The following RP2 variants were observed in gnomAD, a reference collection of about 807,000 sequenced individuals.
RP2 encodes the protein RP2 activator of ARL3 GTPase.
Under a neutral mutation model 20.3 loss-of-function variants are expected in RP2, and 3 were observed. That is an observed-to-expected ratio of 0.15 (90% CI 0.07 to 0.38). RP2 has a LOEUF of 0.38. Ranked by LOEUF, RP2 falls within the 10% of genes least tolerant of loss-of-function variation. The pLI, the probability that RP2 is intolerant of heterozygous loss-of-function variation, is 1.00. For missense variants in RP2, 233 were observed against 268.5 expected (o/e 0.87, Z 0.92); for synonymous variants, 75 against 94.8 (o/e 0.79, Z 1.22).
In RP2 at chrX:46,848,123, C is replaced by G. The variant is rs569345912; in HGVS notation, c.103-5353C>G. ...GGTGCCTGGTACATATATAGTGCTT[C>G]TTATACTCCTGAATCTTTTTACTTC... On this transcript the variant is annotated intron_variant, in intron 1 of 4. Transcript: ENST00000218340. Among the ~76,000 whole-genome samples the G allele has an allele frequency of 8.4e-5, 9 of 107,585 alleles. No homozygotes were observed. In the South Asian group the frequency reaches 3.6e-3, roughly 43 times the overall value. 93.4% of individuals were successfully genotyped at this position (107,585 alleles called of 115,157 possible).
chrX:46,858,293 A>G (rs1453272084), intron 2 of RP2, among the ~76,000 whole-genome samples: 2 of 111,618 alleles, frequency 1.8e-5, no homozygotes, highest in Non-Finnish European at 3.8e-5. Context: ...ATGGGAGAAA[A>G]AGAAAACTGG....
chrX:46,859,923 T>C, intron 2 of RP2, 65 bp from the exon 3 acceptor site: 2 of 772,475 alleles, frequency 2.6e-6, no homozygotes, highest in Non-Finnish European at 4.0e-6. Flanking sequence ...AATACTAGAA[T>C]AGGAAATCAT....
chrX:46,870,528 C>T (rs973390748), intron 3 of RP2, among the ~76,000 whole-genome samples: 5 of 112,012 alleles, frequency 4.5e-5, no homozygotes, highest in African/African-American at 6.5e-5. Flanking sequence ...GCTGGGATTA[C>T]AGGCATGAGC....
chrX:46,857,185 G>A (rs1020312269), intron 2 of RP2, among the ~76,000 whole-genome samples: 3 of 110,793 alleles, frequency 2.7e-5, no homozygotes, highest in Admixed American at 9.7e-5. Context: ...GAGAGGTTAG[G>A]AAGTCCAAAA....
chrX:46,861,419 A>G (rs782563538), intron 3 of RP2, among the ~76,000 whole-genome samples: 10 of 112,302 alleles, frequency 8.9e-5, no homozygotes, highest in Non-Finnish European at 1.7e-4. Flanking sequence ...AATAAATATT[A>G]TATAAACAAG....
rs1569531395 is a variant in RP2, at chrX:46,847,770, GTGTGTGTACATACACACA to G, written c.103-5698_103-5681del. Among the ~76,000 whole-genome samples the G allele has an allele frequency of 1.1e-4, 9 of 79,712 alleles. 1 individual carries two copies. The highest frequency in any genetic ancestry group is 5.8e-4 in the South Asian group (1 of 1,714). 69.2% of individuals were successfully genotyped at this position (79,712 alleles called of 115,157 possible). A position where few individuals can be genotyped will look rare whatever the true frequency, so the allele number is the denominator to read the frequency against. Reference sequence around the variant, plus strand: ...TGTGTGTGTGTATATACACACATGTGTGTGTGTACATACACACATGTGTGTGTGTATATATATACACAC... The same window carrying G: ...TGTGTGTGTGTATATACACACATGTGTGTGTGTGTGTATATATATACACAC... On this transcript the variant is annotated intron_variant, in intron 1 of 4. Coordinates refer to ENST00000218340, the MANE Select transcript of RP2 (RefSeq NM_006915.3).
chrX:46,877,530 T>C lies in RP2; in HGVS notation c.909T>C (p.Asn303=), dbSNP rs782420079. The part of the protein sequence containing the change: ...NKGPVIALEF[N]GDGAVEVCQL... The stretch of plus-strand genomic sequence containing the variant: ...GTCCTGTTATTGCCTTGGAGTTTAA[T>C]GGGGATGGTGCTGTAGAAGTATGTC... Residue 303 remains asparagine, a synonymous_variant, in exon 4 of 5, where the codon AAT becomes AAC. Coordinates refer to ENST00000218340, the MANE Select transcript of RP2 (RefSeq NM_006915.3). 4 of 1,208,191 alleles carry C rather than the reference T, an allele frequency of 3.3e-6. No individual in the cohort carries two copies. The East Asian group carries it at 1.2e-4, about 36-fold the overall frequency.
At chrX:46,870,393 G>A (rs1371166284) in intron 3 of RP2, among the ~76,000 whole-genome samples, 2 of 111,197 alleles carry the variant, frequency 1.8e-5, no homozygotes, top group African/African-American at 6.5e-5. Flanking sequence ...ACAGGTATGA[G>A]CCACCACGCC....
chrX:46,868,900 A>T (rs1556324237), intron 3 of RP2, among the ~76,000 whole-genome samples: 1 of 110,644 alleles, frequency 9.0e-6, no homozygotes, highest in East Asian at 2.8e-4. Context: ...GTTTGAGACC[A>T]GCGTGGGCAA....
At chrX:46,878,376 C>CA (rs1327301086) in intron 4 of RP2, among the ~76,000 whole-genome samples, 4,636 of 43,108 alleles carry the variant, frequency 0.11, 113 homozygotes, top group Middle Eastern at 0.13. Context: ...GACTCTGTCT[C>CA]AAAAAAAAAA....
Position 46,865,435 on chromosome X carries a change from C to G in RP2, c.883+5333C>G, listed in dbSNP as rs1316927069. ...TAGGAAGAGGAAGTGCCCTTCTCAT[C>G]ACGACATCACAGGGCACATGATGTC... On this transcript the variant is annotated intron_variant, in intron 3 of 4. Transcript: ENST00000218340. Among the ~76,000 whole-genome samples the G allele has an allele frequency of 2.7e-5, 3 of 112,033 alleles. No homozygotes were observed. The East Asian group carries it at 8.4e-4, about 31-fold the overall frequency.
At chrX:46,878,190 C>T (rs1301139118) in intron 4 of RP2, among the ~76,000 whole-genome samples, 11 of 109,148 alleles carry the variant, frequency 1.0e-4, no homozygotes, top group East Asian at 2.9e-4. Flanking sequence ...CCGGCTAAAA[C>T]GGTGAAACCC....
intron 3 of RP2, 103 bp from the exon 4 acceptor site, chrX:46,877,402 C>A: frequency 1.7e-6 from 1 of 595,406 alleles, no homozygotes; most frequent in Non-Finnish European, 2.8e-6. Context: ...TCTCTTTCAC[C>A]CTCAAAGAAG....
At chrX:46,873,472 T>C (rs1052541321) in intron 3 of RP2, among the ~76,000 whole-genome samples, 2 of 112,327 alleles carry the variant, frequency 1.8e-5, no homozygotes, top group Non-Finnish European at 3.8e-5. Flanking sequence ...GAGGGACAAA[T>C]AGTAGTGTTT....
rs1201646093 is a variant in RP2 at position 46,853,540 on chromosome X, C to T, written c.167C>T (p.Thr56Met). The change falls in exon 2 of 5, where the codon ACG (threonine) becomes ATG (methionine). Residue 56 changes from threonine to methionine, a missense_variant. This residue lies in a region of RP2 where 77 missense variants were observed against 71.8 expected (regional missense o/e 1.07). Transcript: ENST00000218340. ...KDETVGRLPG[T>M]VAGQQFLIQD... ...GAAACAGTAGGTCGCTTACCTGGGA[C>T]GGTAGCAGGACAACAGTTTCTCATT... 9 of 1,208,692 alleles carry T rather than the reference C, an allele frequency of 7.4e-6. No individual in the cohort carries two copies. The highest frequency in any genetic ancestry group is 6.6e-5 in the Admixed American group (3 of 45,624).
chrX:46,859,978 A>C lies in RP2; in HGVS notation c.769-10A>C. On this transcript the variant is annotated splice_polypyrimidine_tract_variant and intron_variant, in intron 2 of 4. Coordinates refer to ENST00000218340, the MANE Select transcript of RP2 (RefSeq NM_006915.3). ...CATTTTAAAATCTCAATGAAATTTT[A>C]TTTTCACAGATGGTTGGTAAAGGCT... The C allele has an allele frequency of 8.7e-7, 1 of 1,144,653 alleles. No homozygotes were observed. The allele number at this position is 1,144,653 out of a possible 1,213,427, so 94.3% of individuals were successfully genotyped here.
intron 3 of RP2, among the ~76,000 whole-genome samples, chrX:46,863,719 C>T (rs1457963409): frequency 4.5e-5 from 5 of 111,794 alleles, no homozygotes; most frequent in Non-Finnish European, 7.5e-5. Flanking sequence ...GTTGTGGCAA[C>T]GAAAAATGTT....
At chrX:46,858,488 A>T (rs1318877481) in intron 2 of RP2, among the ~76,000 whole-genome samples, 3 of 108,353 alleles carry the variant, frequency 2.8e-5, no homozygotes, top group Non-Finnish European at 3.8e-5. Context: ...TTTTTTTTTT[A>T]AAGACAAGGT....
intron 2 of RP2, 85 bp downstream of exon 2, chrX:46,854,226 C>A: frequency 1.0e-6 from 1 of 969,454 alleles, no homozygotes; most frequent in Non-Finnish European, 1.4e-6. Flanking sequence ...TTCAAATTGG[C>A]TATTGGAAAT....
Sources: gnomAD v4.1 joint callset for allele counts (sites outside exome capture counted in the v4.1 genomes callset) on GRCh38, gnomAD v4.1.1 for gene constraint, gnomAD v4.1.1 regional missense constraint, MANE v1.5 for transcripts, NCBI Gene and HGNC (gene_info 2026-07-23, HGNC 2026-07-21) for gene names.